DIPK1A: variants seen among roughly 807,000 people sequenced by gnomAD.
DIPK1A encodes the protein family with sequence similarity 69 member A.
DIPK1A carries 27 observed loss-of-function variants against 40.8 expected under a neutral mutation model. That is an observed-to-expected ratio of 0.66 (90% CI 0.49 to 0.91). The LOEUF (loss-of-function observed/expected upper bound fraction) is 0.91, where lower values mean the gene tolerates loss of function less well. DIPK1A is among the 40% of genes least tolerant of loss of function. The probability of loss-of-function intolerance (pLI) is 0.00; values close to 1 mark genes in which losing one functional copy is unlikely to be tolerated. For missense variants in DIPK1A, 412 were observed against 505.7 expected (o/e 0.81, Z 1.78); for synonymous variants, 166 against 171.3 (o/e 0.97, Z 0.24).
intron 4 of DIPK1A, among the ~76,000 whole-genome samples, chr1:92,834,576 A>G (rs1687043160): frequency 6.6e-6 from 1 of 152,234 alleles, no homozygotes; most frequent in Non-Finnish European, 1.5e-5. Flanking sequence ...TGTTTAGTTC[A>G]AAAGATGATT....
At chr1:92,945,470 A>C (rs1282712240) in intron 1 of DIPK1A, among the ~76,000 whole-genome samples, 2 of 152,150 alleles carry the variant, frequency 1.3e-5, no homozygotes, top group African/African-American at 4.8e-5. Context: ...AGCAAGAAGA[A>C]AAAGTAGTCC....
chr1:92,884,747 C>T (rs1648521741), intron 1 of DIPK1A, among the ~76,000 whole-genome samples: 3 of 152,068 alleles, frequency 2.0e-5, no homozygotes, highest in Admixed American at 2.0e-4. Flanking sequence ...TCTGTTTTAC[C>T]TAAACTTGGA....
At chr1:92,841,073 C>T (rs1687345490), downstream of DIPK1A, among the ~76,000 whole-genome samples, 1 of 152,218 alleles carries the variant, frequency 6.6e-6, no homozygotes, top group South Asian at 2.1e-4. Context: ...GAAATTTATT[C>T]TCTTAATTGT....
chr1:92,940,974 A>C (rs1651129109), intron 1 of DIPK1A, among the ~76,000 whole-genome samples: 2 of 152,116 alleles, frequency 1.3e-5, no homozygotes, highest in Admixed American at 1.3e-4. Context: ...CTATTTTTTA[A>C]AACTGAGTTT....
chr1:92,887,850 T>A (rs1648684166), intron 1 of DIPK1A, among the ~76,000 whole-genome samples: 1 of 152,130 alleles, frequency 6.6e-6, no homozygotes, highest in South Asian at 2.1e-4. Context: ...AGAAGCAGGC[T>A]TTGAATGGAG....
At chr1:92,917,148 G>A (rs1183759000) in intron 1 of DIPK1A, among the ~76,000 whole-genome samples, 3 of 152,104 alleles carry the variant, frequency 2.0e-5, no homozygotes, top group African/African-American at 7.2e-5. Context: ...ACTAGTTGAT[G>A]TATCATTATT....
rs141108781 is a variant in DIPK1A at position 92,903,929 on chromosome 1, G to C, written c.55-27499C>G. 9.1e-3 allele frequency among the ~76,000 whole-genome samples: 1,383 copies of C among 152,252 alleles called. 18 individuals are homozygous for C. The highest frequency in any genetic ancestry group is 0.031 in the African/African-American group (1,275 of 41,550). On this transcript the variant is annotated intron_variant, in intron 1 of 4. Coordinates refer to ENST00000370310, the MANE Select transcript of DIPK1A (RefSeq NM_001006605.5). ...TAACTATTCTGTTTTCAGTTTGATA[G>C]TAAAATGTTGATAGCTGCAGCAGTT...
chr1:92,871,309 G>A (rs1348328266), intron 2 of DIPK1A, among the ~76,000 whole-genome samples: 1 of 152,048 alleles, frequency 6.6e-6, no homozygotes, highest in Admixed American at 6.6e-5. Context: ...GGGATTACAG[G>A]CATGCACCAC....
intron 1 of DIPK1A, chr1:92,933,235 ATAACT>A (rs1224535665): frequency 2.6e-5 from 4 of 152,184 alleles, no homozygotes; most frequent in East Asian, 1.9e-4. Flanking sequence ...GAAACAGAAC[ATAACT>A]TAAAATAAAA....
intron 2 of DIPK1A, among the ~76,000 whole-genome samples, chr1:92,865,337 T>C (rs1425787567): frequency 3.3e-5 from 5 of 152,170 alleles, no homozygotes; most frequent in Non-Finnish European, 5.9e-5. Flanking sequence ...CACTCCAGCC[T>C]GGGTGGCAGA....
intron 1 of DIPK1A, chr1:92,934,112 C>A (rs1370607886): frequency 2.6e-5 from 4 of 152,130 alleles, no homozygotes; most frequent in Admixed American, 6.6e-5. Flanking sequence ...GTATGAAAGA[C>A]TGAAAAACTT....
intron 1 of DIPK1A, among the ~76,000 whole-genome samples, chr1:92,942,808 C>T (rs547921633): frequency 6.6e-6 from 1 of 152,174 alleles, no homozygotes; most frequent in African/African-American, 2.4e-5. Context: ...GGATTACAGG[C>T]GCCCGCCACC....
intron 1 of DIPK1A, among the ~76,000 whole-genome samples, chr1:92,908,478 G>A (rs1649710708): frequency 6.6e-6 from 1 of 152,176 alleles, no homozygotes; most frequent in Admixed American, 6.5e-5. Flanking sequence ...GTTGGAGACT[G>A]GAAAATATCC....
At position 92,843,167 on chromosome 1, in the gene DIPK1A, T is replaced by TGTAACAGGGCTTCTAAAAG. The variant is rs1687442341; in HGVS notation, c.*197_*215dup. On this transcript the variant is annotated 3_prime_UTR_variant, in exon 5 of 5. Coordinates refer to ENST00000370310, the MANE Select transcript of DIPK1A (RefSeq NM_001006605.5). ...TTACACAATGAATGTACTTCGGAGA[T>TGTAACAGGGCTTCTAAAAG]GTAACAGGGCTTCTAAAAGGGCAGG... The TGTAACAGGGCTTCTAAAAG allele has an allele frequency of 7.7e-7, 1 of 1,299,518 alleles. No individual in the cohort carries two copies. The highest frequency in any genetic ancestry group is 3.2e-5 in the East Asian group (1 of 30,960). 80.5% of individuals were successfully genotyped at this position (1,299,518 alleles called of 1,614,324 possible). A position where few individuals can be genotyped will look rare whatever the true frequency, so the allele number is the denominator to read the frequency against.
chr1:92,865,439 T>C (rs1334582267), intron 2 of DIPK1A, among the ~76,000 whole-genome samples: 2 of 151,266 alleles, frequency 1.3e-5, no homozygotes, highest in East Asian at 3.9e-4. Flanking sequence ...AAAGCACAAG[T>C]GAAAAAAAAA....
At chr1:92,941,046 T>C (rs761265300) in intron 1 of DIPK1A, among the ~76,000 whole-genome samples, 25 of 152,188 alleles carry the variant, frequency 1.6e-4, no homozygotes, top group Non-Finnish European at 3.7e-4. Context: ...TGCAAATATT[T>C]TCTCCCAGTC....
At chr1:92,849,443 G>T (rs1687740375) in intron 3 of DIPK1A, among the ~76,000 whole-genome samples, 1 of 151,702 alleles carries the variant, frequency 6.6e-6, no homozygotes, top group Non-Finnish European at 1.5e-5. Context: ...GACCTCCTGG[G>T]CTCAAGTGAT....
At chr1:92,936,643 AG>A (rs1159269343) in intron 1 of DIPK1A, among the ~76,000 whole-genome samples, 1 of 151,814 alleles carries the variant, frequency 6.6e-6, no homozygotes, top group Non-Finnish European at 1.5e-5. Context: ...AAAAAAAAAA[AG>A]AAAAGAAAAA....
chr1:92,928,212 T>C (rs1650597708), intron 1 of DIPK1A, among the ~76,000 whole-genome samples: 1 of 152,244 alleles, frequency 6.6e-6, no homozygotes, highest in Non-Finnish European at 1.5e-5. Context: ...CTTTGCATTT[T>C]TGTTTTACTG....
Sources: gnomAD v4.1 joint callset for allele counts (sites outside exome capture counted in the v4.1 genomes callset) on GRCh38, gnomAD v4.1.1 for gene constraint, MANE v1.5 for transcripts, NCBI Gene and HGNC (gene_info 2026-07-23, HGNC 2026-07-21) for gene names.